Variants in SCAF8 observed in about 807,000 individuals in gnomAD.
The protein encoded by SCAF8 is SR-related CTD associated factor 8.
A neutral mutation model predicts 140.5 loss-of-function variants in SCAF8; 23 were observed. The ratio of observed to expected loss-of-function variants is 0.16; its 90% CI spans 0.12 to 0.23. The LOEUF (loss-of-function observed/expected upper bound fraction) is 0.23. Among genes scored for constraint, SCAF8 ranks in the 10% least tolerant of loss-of-function variants. The pLI, the probability that SCAF8 is intolerant of heterozygous loss-of-function variation, is 1.00. For synonymous variants in SCAF8, 575 were observed against 528.9 expected, an observed-to-expected ratio of 1.09 and a Z score of -1.20; for missense variants, 1,397 against 1,555.7, an observed-to-expected ratio of 0.90 and a Z score of 1.72.
At chr6:154,808,242 T>C (rs1282445767) in intron 10 of SCAF8, 41 bp downstream of exon 10, 1 of 1,571,380 alleles carries the variant, frequency 6.4e-7, no homozygotes, top group East Asian at 2.2e-5. Context: ...TTTCTAAAAG[T>C]AGCTAAAGAA....
At chr6:154,787,270 A>G (rs890974398) in intron 3 of SCAF8, among the ~76,000 whole-genome samples, 2 of 152,226 alleles carry the variant, frequency 1.3e-5, no homozygotes, top group Non-Finnish European at 2.9e-5. Flanking sequence ...GAGATGGAAG[A>G]TCATTTGAGC....
At chr6:154,769,786 T>G (rs927044036) in intron 1 of SCAF8, among the ~76,000 whole-genome samples, 8 of 152,248 alleles carry the variant, frequency 5.3e-5, no homozygotes, top group African/African-American at 1.9e-4. Flanking sequence ...TATTTGTTTA[T>G]TTTTGTTCAT....
At chr6:154,820,920 G>T (rs150037272) in intron 15 of SCAF8, among the ~76,000 whole-genome samples, 1,654 of 152,144 alleles carry the variant, frequency 0.011, 111 homozygotes, top group Admixed American at 0.097. Flanking sequence ...ATTTGAAAAA[G>T]AACTGAAATA....
chr6:154,784,292 T>G (rs1777186487), intron 3 of SCAF8, among the ~76,000 whole-genome samples: 1 of 151,706 alleles, frequency 6.6e-6, no homozygotes, highest in South Asian at 2.1e-4. Flanking sequence ...GGAGTATATT[T>G]CCAGATTCTC....
chr6:154,816,501 A>G (rs937068183), intron 13 of SCAF8, among the ~76,000 whole-genome samples: 2 of 113,546 alleles, frequency 1.8e-5, no homozygotes, highest in African/African-American at 9.1e-5. Flanking sequence ...TCTTTTATTT[A>G]AAAATTACGT....
chr6:154,772,151 GT>G (rs1303006062), intron 1 of SCAF8, among the ~76,000 whole-genome samples: 14 of 151,956 alleles, frequency 9.2e-5, no homozygotes, highest in Admixed American at 9.2e-4. Flanking sequence ...GATTCCCTAA[GT>G]TTGTAGTTAA....
At chr6:154,736,343 T>C (rs1778420371) in intron 1 of SCAF8, among the ~76,000 whole-genome samples, 2 of 147,302 alleles carry the variant, frequency 1.4e-5, no homozygotes, top group African/African-American at 5.1e-5. Context: ...AGATCTTGGC[T>C]CAATGCAACC....
chr6:154,820,053 C>A, intron 14 of SCAF8, 124 bp from the exon 15 acceptor site: 1 of 675,896 alleles, frequency 1.5e-6, no homozygotes, highest in South Asian at 3.2e-5. Context: ...CTTTGCTTTT[C>A]CAGCTGTTTT....
intron 4 of SCAF8, among the ~76,000 whole-genome samples, chr6:154,792,293 A>G (rs1434484401): frequency 2.0e-5 from 3 of 152,220 alleles, no homozygotes; most frequent in Non-Finnish European, 4.4e-5. Flanking sequence ...GATGCTCAAA[A>G]AAGGAAGTAA....
intron 1 of SCAF8, among the ~76,000 whole-genome samples, chr6:154,738,004 C>T (rs558201557): frequency 4.5e-4 from 69 of 151,924 alleles, no homozygotes; most frequent in Middle Eastern, 3.4e-3. Flanking sequence ...GTTTGAAAAC[C>T]AGGAAGATGC....
intron 18 of SCAF8, among the ~76,000 whole-genome samples, chr6:154,828,741 G>C (rs1778641242): frequency 6.6e-6 from 1 of 151,986 alleles, no homozygotes. Context: ...TTTTGCTCTT[G>C]GGTTTTCGTC....
At chr6:154,829,676 G>T (rs1481418337) in intron 18 of SCAF8, among the ~76,000 whole-genome samples, 1 of 152,176 alleles carries the variant, frequency 6.6e-6, no homozygotes, top group African/African-American at 2.4e-5. Flanking sequence ...GGAGGCTGAG[G>T]TGGGTGGATC....
At position 154,788,044 on chromosome 6, in the gene SCAF8, T is replaced by G. The variant is rs144310185; in HGVS notation, c.321+22T>G. 651 of 1,580,504 alleles carry G rather than the reference T, an allele frequency of 4.1e-4. 1 individual carries two copies. The highest frequency in any genetic ancestry group is 1.5e-3 in the Admixed American group (76 of 50,950). On this transcript the variant is annotated intron_variant, in intron 4 of 19. Coordinates refer to ENST00000367178, the MANE Select transcript of SCAF8 (RefSeq NM_014892.5). ...CAAGGTATGCTACTGGTTTTTTTTT[T>G]TTGTTTTTTTAAAAGTAGATACAGT...
chr6:154,809,531 G>A (rs1257404815), intron 11 of SCAF8, among the ~76,000 whole-genome samples: 1 of 152,138 alleles, frequency 6.6e-6, no homozygotes, highest in East Asian at 1.9e-4. Flanking sequence ...ATCTTACTAA[G>A]CATTTTGAAG....
chr6:154,830,872 C>A, intron 18 of SCAF8, 50 bp from the exon 19 acceptor site: 2 of 1,413,306 alleles, frequency 1.4e-6, no homozygotes, highest in African/African-American at 1.4e-5. Flanking sequence ...AAACTTAGCA[C>A]ATGAATTGAC....
chr6:154,804,577 C>G (rs1345358500), intron 8 of SCAF8, among the ~76,000 whole-genome samples: 1 of 151,998 alleles, frequency 6.6e-6, no homozygotes, highest in Non-Finnish European at 1.5e-5. Flanking sequence ...ATACACTGAC[C>G]CATGTTTTGC....
At position 154,733,844 on chromosome 6, in the gene SCAF8, C is replaced by G; in HGVS notation, c.-57C>G. 3.9e-6 allele frequency: 6 copies of G among 1,536,974 alleles called. No homozygotes were observed. Among genetic ancestry groups the G allele is most frequent in the Non-Finnish European group, 4.4e-6 (5 of 1,147,596 alleles). ...CAGCCCGCGTCTCGCTCTCCCCACC[C>G]AGTGCAGTGGCCGCCGCCTCTTCCG... is the stretch of plus-strand genomic sequence containing the variant. On this transcript the variant is annotated 5_prime_UTR_variant, in exon 1 of 20. Coordinates refer to ENST00000367178, the MANE Select transcript of SCAF8 (RefSeq NM_014892.5).
chr6:154,806,052 A>C (rs371091218), intron 9 of SCAF8, among the ~76,000 whole-genome samples: 39 of 152,320 alleles, frequency 2.6e-4, no homozygotes, highest in African/African-American at 9.1e-4. Flanking sequence ...TGGTGAGATT[A>C]AACATCTCAT....
chr6:154,808,857 C>G (rs1778004023), intron 11 of SCAF8, 59 bp downstream of exon 11: 2 of 1,145,816 alleles, frequency 1.7e-6, no homozygotes, highest in Admixed American at 1.9e-5. Context: ...GGCTTTATTT[C>G]TTTGCATCAG....
Sources: allele counts gnomAD v4.1 joint callset (sites outside exome capture counted in the v4.1 genomes callset), GRCh38; gene constraint gnomAD v4.1.1; transcripts MANE v1.5; gene names NCBI Gene and HGNC (gene_info 2026-07-23, HGNC 2026-07-21).